Variants in DCC observed in about 807,000 individuals in gnomAD.
DCC encodes the protein netrin receptor DCC.
DCC carries 58 observed loss-of-function variants against 172.5 expected under a neutral mutation model. The observed-to-expected ratio is 0.34, with a 90% CI of 0.27 to 0.42. DCC has a LOEUF of 0.42. Among genes scored for constraint, DCC ranks in the 10% least tolerant of loss-of-function variants. DCC has a pLI of 1.00. For missense variants in DCC, 1,740 were observed against 1,791.0 expected (o/e 0.97, Z 0.51); for synonymous variants, 709 against 644.5 (o/e 1.10, Z -1.52).
intron 1 of DCC, among the ~76,000 whole-genome samples, chr18:52,352,222 T>G (rs962450307): frequency 1.3e-5 from 2 of 152,248 alleles, no homozygotes; most frequent in Non-Finnish European, 2.9e-5. Flanking sequence ...GTTAGTATTA[T>G]GTTAGTATGG....
rs1374644301 is a variant in DCC, at chr18:53,526,754, G to A, written c.4249G>A (p.Ala1417Thr). 2 of 1,613,236 alleles carry A rather than the reference G, an allele frequency of 1.2e-6. No homozygotes were observed. The highest frequency in any genetic ancestry group is 2.7e-5 in the African/African-American group (2 of 74,846). ...EESHKPTEDSANVYEQDDLSE... is the reference protein window; with the variant it reads ...EESHKPTEDSTNVYEQDDLSE... ...GAGCCACAAACCAACAGAGGATTCA[G>A]CCAATGTAAGGGCATCTTTAAAATT... The change falls in exon 28 of 29, where the codon GCC becomes ACC. Residue 1417 changes from alanine (A) to threonine (T), a missense_variant. Around this residue, in one of 2 missense-constraint regions of DCC, gnomAD observed 1,732 missense variants for 1,767.4 expected, o/e 0.98. Transcript: ENST00000442544.
intron 1 of DCC, among the ~76,000 whole-genome samples, chr18:52,585,646 T>C (rs1404274278): frequency 6.6e-6 from 1 of 152,190 alleles, no homozygotes; most frequent in Non-Finnish European, 1.5e-5. Flanking sequence ...GACATGTATG[T>C]CAAAGTTGAA....
At position 52,547,720 on chromosome 18, in the gene DCC, T is replaced by C. The variant is rs188020229; in HGVS notation, c.92-204334T>C. Among the ~76,000 whole-genome samples, 379 of 152,152 alleles carry C rather than the reference T, an allele frequency of 2.5e-3. 5 individuals are homozygous for C. Among genetic ancestry groups the C allele is most frequent in the South Asian group, 0.015 (72 of 4,814 alleles). On this transcript the variant is annotated intron_variant, in intron 1 of 28. Transcript: ENST00000442544. Reference sequence around the variant, plus strand: ...TACACAAAAATGAAAAGAGGGGGCATGTTAAGGTGAAGGAACAGCATGAGC... The same window carrying C: ...TACACAAAAATGAAAAGAGGGGGCACGTTAAGGTGAAGGAACAGCATGAGC...
intron 5 of DCC, among the ~76,000 whole-genome samples, chr18:52,927,126 C>CGTGTATATAT (rs1568192102): frequency 2.6e-5 from 2 of 76,534 alleles, no homozygotes; most frequent in Non-Finnish European, 5.6e-5. Flanking sequence ...CGTGTATATA[C>CGTGTATATAT]ACGTATATAC....
rs2040924804 is a variant in DCC, at chr18:52,966,048, C to A, written c.985+40678C>A. ...CTTCCAGAAGTGCTTCTCTCCATTGCTAAGAACTTGAAAATACCTGAGATA... is the reference window on the plus strand; with the variant it reads ...CTTCCAGAAGTGCTTCTCTCCATTGATAAGAACTTGAAAATACCTGAGATA... On this transcript the variant is annotated intron_variant, in intron 5 of 28. Coordinates refer to ENST00000442544, the MANE Select transcript of DCC (RefSeq NM_005215.4). Among the ~76,000 whole-genome samples the A allele has an allele frequency of 1.3e-5, 2 of 152,102 alleles. 1 individual carries two copies. The highest frequency in any genetic ancestry group is 4.1e-4 in the South Asian group (2 of 4,824).
intron 5 of DCC, among the ~76,000 whole-genome samples, chr18:52,994,215 A>C (rs2041442705): frequency 6.6e-6 from 1 of 152,092 alleles, no homozygotes; most frequent in South Asian, 2.1e-4. Context: ...TACCAGTTGA[A>C]TTTATTGACA....
intron 1 of DCC, among the ~76,000 whole-genome samples, chr18:52,578,916 G>T (rs141386352): frequency 6.6e-6 from 1 of 152,148 alleles, no homozygotes; most frequent in East Asian, 1.9e-4. Context: ...AGGAGGTGGA[G>T]GTTGCAGTGA....
chr18:52,492,919 G>A (rs2030577705), intron 1 of DCC, among the ~76,000 whole-genome samples: 1 of 152,008 alleles, frequency 6.6e-6, no homozygotes, highest in Admixed American at 6.6e-5. Flanking sequence ...GGGCAGTCAG[G>A]GTTCACTTAA....
intron 1 of DCC, among the ~76,000 whole-genome samples, chr18:52,672,392 C>T (rs1387176478): frequency 6.6e-6 from 1 of 152,212 alleles, no homozygotes; most frequent in East Asian, 1.9e-4. Flanking sequence ...ACTAGTTCTA[C>T]AGTAAGAGAT....
At chr18:52,367,454 G>A (rs934156705) in intron 1 of DCC, among the ~76,000 whole-genome samples, 5 of 152,214 alleles carry the variant, frequency 3.3e-5, no homozygotes, top group African/African-American at 9.6e-5. Flanking sequence ...CTGCCAGCAC[G>A]CTGTCACCTC....
chr18:53,153,922 C>G (rs1351041206), intron 7 of DCC, among the ~76,000 whole-genome samples: 4 of 152,212 alleles, frequency 2.6e-5, no homozygotes, highest in Admixed American at 6.5e-5. Flanking sequence ...GTTCCCCACT[C>G]TCTCTTCTGT....
At position 53,300,921 on chromosome 18, in the gene DCC, G is replaced by A. The variant is rs991558696; in HGVS notation, c.1912-4657G>A. On this transcript the variant is annotated intron_variant, in intron 12 of 28. Transcript: ENST00000442544. Reference sequence around the variant, plus strand: ...TCCATGACTGAAGCAGGGACAGGGAGGTCCTGGACAAATCCATTATTTGAC... The same window carrying A: ...TCCATGACTGAAGCAGGGACAGGGAAGTCCTGGACAAATCCATTATTTGAC... Among the ~76,000 whole-genome samples the A allele has an allele frequency of 9.7e-5, 10 of 103,428 alleles. No individual in the cohort carries two copies. In the East Asian group the frequency reaches 1.6e-3, roughly 17 times the overall value. The allele number at this position is 103,428 out of a possible 152,430, so 67.9% of individuals were successfully genotyped here.
chr18:52,807,087 C>T (rs900866177), intron 2 of DCC, among the ~76,000 whole-genome samples: 2 of 152,220 alleles, frequency 1.3e-5, no homozygotes, highest in Middle Eastern at 3.4e-3. Context: ...CCCAGCTACT[C>T]GGGAGGCTGA....
intron 1 of DCC, among the ~76,000 whole-genome samples, chr18:52,541,307 G>A (rs1483345104): frequency 1.3e-5 from 2 of 152,308 alleles, no homozygotes; most frequent in South Asian, 2.1e-4. Flanking sequence ...AAGCAATTGA[G>A]CTCAGAGCTG....
chr18:52,740,639 T>C (rs957650768), intron 1 of DCC, among the ~76,000 whole-genome samples: 30 of 152,238 alleles, frequency 2.0e-4, no homozygotes, highest in Non-Finnish European at 3.5e-4. Context: ...TTCCACAAGA[T>C]GAATACTTCA....
intron 1 of DCC, among the ~76,000 whole-genome samples, chr18:52,673,540 A>G (rs1488340783): frequency 2.0e-5 from 3 of 152,176 alleles, no homozygotes; most frequent in African/African-American, 4.8e-5. Context: ...ATGGTTTGTC[A>G]CTAGTTTACT....
intron 1 of DCC, among the ~76,000 whole-genome samples, chr18:52,670,360 G>A (rs908840923): frequency 6.6e-6 from 1 of 152,196 alleles, no homozygotes; most frequent in Admixed American, 6.5e-5. Context: ...ATGGACTTAA[G>A]TGACTCAGTC....
intron 2 of DCC, among the ~76,000 whole-genome samples, chr18:52,778,061 C>G (rs1467379186): frequency 1.3e-5 from 2 of 152,176 alleles, no homozygotes; most frequent in Non-Finnish European, 2.9e-5. Context: ...TAGCAATATA[C>G]TAAGCGAAGC....
chr18:52,644,890 G>A (rs190139059), intron 1 of DCC, among the ~76,000 whole-genome samples: 2 of 151,530 alleles, frequency 1.3e-5, no homozygotes, highest in East Asian at 3.9e-4. Flanking sequence ...GCTTGAGGAA[G>A]TTGCTTGATA....
Sources: allele counts gnomAD v4.1 joint callset (sites outside exome capture counted in the v4.1 genomes callset), GRCh38; gene constraint gnomAD v4.1.1; regional missense constraint gnomAD v4.1.1; transcripts MANE v1.5; gene names NCBI Gene and HGNC (gene_info 2026-07-23, HGNC 2026-07-21).